The following SLC25A21 variants were observed in gnomAD, a reference collection of about 807,000 sequenced individuals.
SLC25A21 encodes the protein mitochondrial 2-oxodicarboxylate carrier.
SLC25A21 carries 47 observed loss-of-function variants against 43.8 expected under a neutral mutation model. The ratio of observed to expected loss-of-function variants is 1.07; its 90% CI spans 0.85 to 1.37. SLC25A21 has a LOEUF of 1.37. Ranked by LOEUF, SLC25A21 falls within the 40% of genes most tolerant of loss-of-function variation. The pLI is 0.00. For missense variants in SLC25A21, 352 were observed against 350.2 expected, an observed-to-expected ratio of 1.00 and a Z score of -0.04; for synonymous variants, 131 against 121.3, an observed-to-expected ratio of 1.08 and a Z score of -0.52.
rs572830422 is a variant in SLC25A21, at chr14:36,768,283, T to C, written c.204-33710A>G. 2.6e-5 allele frequency among the ~76,000 whole-genome samples: 4 copies of C among 152,262 alleles called. No individual in the cohort carries two copies. The South Asian group carries it at 8.3e-4, about 32-fold the overall frequency. On this transcript the variant is annotated intron_variant, in intron 3 of 9. Coordinates refer to ENST00000331299, the MANE Select transcript of SLC25A21 (RefSeq NM_030631.4). ...ACCAGCAAGCTAGAGATACACATAA[T>C]ATCAGTTTCAGTGTCAAAACGAACA...
chr14:36,782,343 C>A (rs983522969), intron 3 of SLC25A21, among the ~76,000 whole-genome samples: 1 of 152,132 alleles, frequency 6.6e-6, no homozygotes, highest in African/African-American at 2.4e-5. Flanking sequence ...ATCTTCTCCC[C>A]TTTTGAGGCT....
chr14:37,039,636 C>A (rs77799893), intron 1 of SLC25A21, among the ~76,000 whole-genome samples: 1,652 of 152,214 alleles, frequency 0.011, 34 homozygotes, highest in African/African-American at 0.038. Flanking sequence ...ATGGATGTGT[C>A]TATCAAGAGG....
chr14:37,070,721 G>C (rs1380434456), intron 1 of SLC25A21, among the ~76,000 whole-genome samples: 1 of 152,152 alleles, frequency 6.6e-6, no homozygotes, highest in Non-Finnish European at 1.5e-5. Flanking sequence ...AAGGTAAAAA[G>C]AGAGATTGTT....
intron 1 of SLC25A21, among the ~76,000 whole-genome samples, chr14:36,892,223 T>C (rs950362254): frequency 6.6e-6 from 1 of 152,094 alleles, no homozygotes; most frequent in Non-Finnish European, 1.5e-5. Flanking sequence ...TAAAGAACTA[T>C]CATCTGATTC....
At chr14:36,994,204 T>G (rs1960324193) in intron 1 of SLC25A21, among the ~76,000 whole-genome samples, 1 of 152,210 alleles carries the variant, frequency 6.6e-6, no homozygotes, top group Non-Finnish European at 1.5e-5. Flanking sequence ...ACTTGTTACC[T>G]GCTTCACAAT....
intron 2 of SLC25A21, among the ~76,000 whole-genome samples, chr14:36,839,791 A>G (rs1042188313): frequency 3.3e-5 from 5 of 152,258 alleles, no homozygotes; most frequent in Non-Finnish European, 7.3e-5. Flanking sequence ...GCTATAGGGA[A>G]TAGCCTATGG....
At chr14:37,011,174 A>G (rs2138739184) in intron 1 of SLC25A21, among the ~76,000 whole-genome samples, 1 of 152,240 alleles carries the variant, frequency 6.6e-6, no homozygotes, top group East Asian at 1.9e-4. Flanking sequence ...GGTATCAGCC[A>G]CCGTGCCCAG....
intron 1 of SLC25A21, among the ~76,000 whole-genome samples, chr14:37,002,548 CAAGT>C (rs1252536890): frequency 6.6e-6 from 1 of 152,066 alleles, no homozygotes; most frequent in Non-Finnish European, 1.5e-5. Flanking sequence ...CAACTTTGAG[CAAGT>C]GAGTCAATTC....
intron 1 of SLC25A21, among the ~76,000 whole-genome samples, chr14:37,166,843 G>A (rs1465710181): frequency 6.6e-6 from 1 of 152,190 alleles, no homozygotes; most frequent in South Asian, 2.1e-4. Flanking sequence ...CAATTAGTGA[G>A]AGGAAATATT....
At chr14:36,683,737 A>G in intron 9 of SLC25A21, 91 bp downstream of exon 9, 1 of 887,362 alleles carries the variant, frequency 1.1e-6, no homozygotes, top group Non-Finnish European at 1.7e-6. Context: ...ACAAAGTGGT[A>G]AATATTTTGT....
chr14:37,067,647 CAA>C (rs1962088750), intron 1 of SLC25A21, among the ~76,000 whole-genome samples: 2 of 152,110 alleles, frequency 1.3e-5, no homozygotes, highest in Non-Finnish European at 2.9e-5. Context: ...ACTCCATGAA[CAA>C]AAGTATGGAG....
At position 36,680,365 on chromosome 14, in the gene SLC25A21, A is replaced by G. The variant is rs918795397; in HGVS notation, c.*293T>C. On this transcript the variant is annotated 3_prime_UTR_variant, in exon 10 of 10. Transcript: ENST00000331299. ...CATTGAAGAGGAACACAGGAGACAA[A>G]GTTTCTATTTATTTTATGAAATAAA... is the stretch of plus-strand genomic sequence containing the variant. 2 of 1,036,826 alleles carry G rather than the reference A, an allele frequency of 1.9e-6. No individual in the cohort carries two copies. The highest frequency in any genetic ancestry group is 1.2e-6 in the Non-Finnish European group (1 of 862,654). 64.2% of individuals were successfully genotyped at this position (1,036,826 alleles called of 1,614,324 possible). A position where few individuals can be genotyped will look rare whatever the true frequency, so the allele number is the denominator to read the frequency against.
chr14:36,725,516 TAAATAAATAAA>T, intron 6 of SLC25A21, 43 bp downstream of exon 6: 144 of 653,776 alleles, frequency 2.2e-4, no homozygotes, highest in Non-Finnish European at 2.9e-4. Context: ...AATAAATAAA[TAAATAAATAAA>T]TTTTTACATG....
intron 1 of SLC25A21, among the ~76,000 whole-genome samples, chr14:36,887,807 T>C (rs1594669629): frequency 6.6e-6 from 1 of 152,264 alleles, no homozygotes; most frequent in East Asian, 1.9e-4. Flanking sequence ...TTCTCAGAAT[T>C]TCTTCTTTCT....
chr14:36,680,274 T>C lies in SLC25A21; in HGVS notation c.*384A>G. The C allele has an allele frequency of 1.0e-6, 1 of 965,164 alleles. No individual in the cohort carries two copies. Among genetic ancestry groups the C allele is most frequent in the Non-Finnish European group, 1.2e-6 (1 of 815,166 alleles). The allele number at this position is 965,164 out of a possible 1,614,324, so 59.8% of individuals were successfully genotyped here. A position where few individuals can be genotyped will look rare whatever the true frequency, so the allele number is the denominator to read the frequency against. On this transcript the variant is annotated 3_prime_UTR_variant, in exon 10 of 10. Transcript: ENST00000331299. Reference sequence around the variant, plus strand: ...TTTGAATAATTTGATTTATTTTCAATAGTTTAAGCATTTCTAGACCTCTTA... The same window carrying C: ...TTTGAATAATTTGATTTATTTTCAACAGTTTAAGCATTTCTAGACCTCTTA...
chr14:36,812,632 G>A (rs556581725), intron 3 of SLC25A21, among the ~76,000 whole-genome samples: 24 of 152,054 alleles, frequency 1.6e-4, no homozygotes, highest in African/African-American at 4.6e-4. Flanking sequence ...GCAACATATA[G>A]ATAAAATAAA....
At chr14:36,829,955 T>C (rs1312673165) in intron 2 of SLC25A21, among the ~76,000 whole-genome samples, 1 of 152,116 alleles carries the variant, frequency 6.6e-6, no homozygotes, top group Admixed American at 6.6e-5. Flanking sequence ...GGTGGATTGC[T>C]TCACCACTGA....
At position 36,679,963 on chromosome 14, in the gene SLC25A21, T is replaced by A. The variant is rs5807899; in HGVS notation, c.*695A>T. ...TTAAACATGCTTAAACAACAGTGTT[T>A]TAACATTCTGTTTTAAACAATGTTT... On this transcript the variant is annotated 3_prime_UTR_variant, in exon 10 of 10. Coordinates refer to ENST00000331299, the MANE Select transcript of SLC25A21 (RefSeq NM_030631.4). The A allele has an allele frequency of 2.1e-4, 158 of 758,684 alleles. No individual in the cohort carries two copies. Among genetic ancestry groups the A allele is most frequent in the East Asian group, 2.4e-4 (1 of 4,254 alleles). 47.0% of individuals were successfully genotyped at this position (758,684 alleles called of 1,614,324 possible).
chr14:36,956,363 A>G (rs1240157146), intron 1 of SLC25A21, among the ~76,000 whole-genome samples: 4 of 152,210 alleles, frequency 2.6e-5, no homozygotes, highest in African/African-American at 9.6e-5. Flanking sequence ...CCAGTTAAGG[A>G]AATCTAATAA....
Sources: gnomAD v4.1 joint callset for allele counts (sites outside exome capture counted in the v4.1 genomes callset) on GRCh38, gnomAD v4.1.1 for gene constraint, MANE v1.5 for transcripts, NCBI Gene and HGNC (gene_info 2026-07-23, HGNC 2026-07-21) for gene names.